The following FSD1L variants were observed in gnomAD, a reference collection of about 807,000 sequenced individuals.
FSD1L encodes fibronectin type III and SPRY domain containing 1 like.
FSD1L carries 45 observed loss-of-function variants against 71.6 expected under a neutral mutation model. The observed-to-expected ratio is 0.63, with a 90% confidence interval of 0.49 to 0.81. The LOEUF is 0.81. FSD1L is among the 30% of genes least tolerant of loss of function. FSD1L has a pLI of 0.00. For synonymous variants in FSD1L, 197 were observed against 207.2 expected (o/e 0.95, Z 0.42); for missense variants, 561 against 618.1 (o/e 0.91, Z 0.98).
chr9:105,451,328 A>G (rs1431951868), intron 1 of FSD1L, among the ~76,000 whole-genome samples: 1 of 152,242 alleles, frequency 6.6e-6, no homozygotes, highest in Non-Finnish European at 1.5e-5. Context: ...TGGTGGTTCC[A>G]GAGAAGAGTT....
In FSD1L at chr9:105,551,580, T is replaced by G. The variant is rs1486326301; in HGVS notation, c.*5097T>G. 2.0e-5 allele frequency: 3 copies of G among 152,210 alleles called. No homozygotes were observed. Among genetic ancestry groups the G allele is most frequent in the Non-Finnish European group, 2.9e-5 (2 of 68,022 alleles). The allele number at this position is 152,210 out of a possible 1,614,324, so 9.4% of individuals were successfully genotyped here. On this transcript the variant is annotated 3_prime_UTR_variant, in exon 14 of 14. Transcript: ENST00000481272. ...TGGATAATTGTAGATGCATTTACTT[T>G]GATAAAGCGTGTGCTTAAAGTGGTA...
At chr9:105,469,130 TTA>T (rs1831270630) in intron 4 of FSD1L, among the ~76,000 whole-genome samples, 1 of 152,260 alleles carries the variant, frequency 6.6e-6, no homozygotes, top group Admixed American at 6.5e-5. Flanking sequence ...AATATTCCAC[TTA>T]TGTATATACC....
intron 13 of FSD1L, among the ~76,000 whole-genome samples, chr9:105,540,693 A>G (rs1199350008): frequency 6.6e-6 from 1 of 152,116 alleles, no homozygotes; most frequent in African/African-American, 2.4e-5. Flanking sequence ...TCTTTGTACA[A>G]AATATTAGAT....
chr9:105,529,834 A>G (rs1177241733), intron 10 of FSD1L, among the ~76,000 whole-genome samples: 2 of 152,002 alleles, frequency 1.3e-5, no homozygotes, highest in East Asian at 1.9e-4. Flanking sequence ...GAGTCCTGAG[A>G]CAGGTTATTT....
At chr9:105,443,473 G>A (rs1392937096), upstream of FSD1L, among the ~76,000 whole-genome samples, 2 of 152,110 alleles carry the variant, frequency 1.3e-5, no homozygotes, top group African/African-American at 4.8e-5. Context: ...TGGGAATTGT[G>A]GGAGCTGCAG....
At chr9:105,509,166 T>G (rs1834251094) in intron 9 of FSD1L, among the ~76,000 whole-genome samples, 1 of 152,228 alleles carries the variant, frequency 6.6e-6, no homozygotes, top group Non-Finnish European at 1.5e-5. Context: ...CAATTCTTTA[T>G]TAGATAATTA....
At chr9:105,462,258 C>T (rs1335303725) in intron 2 of FSD1L, among the ~76,000 whole-genome samples, 1 of 150,776 alleles carries the variant, frequency 6.6e-6, no homozygotes. Context: ...CTCTGTCACC[C>T]AGGCTGGAAT....
At position 105,506,570 on chromosome 9, in the gene FSD1L, T is replaced by C. The variant is rs1255203894; in HGVS notation, c.758T>C (p.Ile253Thr). The C allele has an allele frequency of 1.9e-6, 3 of 1,550,984 alleles. No homozygotes were observed. Among genetic ancestry groups the C allele is most frequent in the Non-Finnish European group, 2.6e-6 (3 of 1,146,472 alleles). Reference sequence around the variant, plus strand: ...GTAAAGGATGAGCGATGCTGGGAGATAATTGATAATATTAAGGGTACTGAA... The same window carrying C: ...GTAAAGGATGAGCGATGCTGGGAGACAATTGATAATATTAAGGGTACTGAA... ...PRVKDERCWEIIDNIKGTEYT... is the reference protein window; with the variant it reads ...PRVKDERCWETIDNIKGTEYT... Residue 253 changes from isoleucine (I) to threonine (T), a missense_variant, in exon 8 of 14, where the codon ATA becomes ACA. By Grantham distance (89) the Ile-to-Thr change is moderately conservative. Transcript: ENST00000481272.
At chr9:105,545,378 A>G (rs1418198354) in intron 13 of FSD1L, among the ~76,000 whole-genome samples, 1 of 146,290 alleles carries the variant, frequency 6.8e-6, no homozygotes, top group Non-Finnish European at 1.5e-5. Context: ...AACAGGGACA[A>G]TTTGACTTCC....
At chr9:105,457,471 A>G (rs558546799) in intron 1 of FSD1L, among the ~76,000 whole-genome samples, 1 of 152,352 alleles carries the variant, frequency 6.6e-6, no homozygotes, top group African/African-American at 2.4e-5. Flanking sequence ...ACTGGGGAGA[A>G]AGATTGTTAC....
intron 7 of FSD1L, among the ~76,000 whole-genome samples, chr9:105,497,492 C>T (rs1206188614): frequency 6.6e-6 from 1 of 152,130 alleles, no homozygotes; most frequent in Non-Finnish European, 1.5e-5. Context: ...ACTTTTGTGC[C>T]TGGTGCTTTC....
intron 4 of FSD1L, among the ~76,000 whole-genome samples, chr9:105,470,578 T>G (rs1019822900): frequency 2.8e-4 from 42 of 152,120 alleles, no homozygotes; most frequent in Admixed American, 2.8e-3. Flanking sequence ...AAATGCAAAT[T>G]TTTGTGTGTT....
intron 5 of FSD1L, chr9:105,472,279 G>A (rs1464213212): frequency 1.2e-5 from 4 of 338,566 alleles, no homozygotes; most frequent in African/African-American, 8.4e-5. Context: ...ATGCACATGA[G>A]CACTGTAATT....
intron 7 of FSD1L, among the ~76,000 whole-genome samples, chr9:105,489,173 A>G (rs1286082341): frequency 6.6e-6 from 1 of 152,168 alleles, no homozygotes; most frequent in Non-Finnish European, 1.5e-5. Flanking sequence ...ACTGGCTGAA[A>G]TGCACCAGGT....
At chr9:105,474,013 T>A (rs992277146) in intron 5 of FSD1L, among the ~76,000 whole-genome samples, 2 of 152,218 alleles carry the variant, frequency 1.3e-5, no homozygotes, top group Non-Finnish European at 2.9e-5. Flanking sequence ...CTTAAACCAT[T>A]TGGAGATGTG....
intron 7 of FSD1L, chr9:105,500,821 A>G (rs1164171845): frequency 2.0e-5 from 3 of 152,228 alleles, no homozygotes; most frequent in Non-Finnish European, 2.9e-5. Flanking sequence ...TTATAATCTC[A>G]AGCATTTGAG....
upstream of FSD1L, among the ~76,000 whole-genome samples, chr9:105,447,034 T>C (rs1436022934): frequency 3.3e-5 from 5 of 152,180 alleles, no homozygotes; most frequent in South Asian, 4.1e-4. Flanking sequence ...ATGACTATAA[T>C]GGGCCTGGCA....
Position 105,475,274 on chromosome 9 carries a change from A to G in FSD1L, c.441+3269A>G, listed in dbSNP as rs564977754. ...GAAGGGAGAAAATAGTTTCCTATCC[A>G]TGGGGTCCCTATAATGGAATAAAAA... is the stretch of plus-strand genomic sequence containing the variant. On this transcript the variant is annotated intron_variant, in intron 5 of 13. Transcript: ENST00000481272. Among the ~76,000 whole-genome samples, 26 of 152,316 alleles carry G rather than the reference A, an allele frequency of 1.7e-4. No homozygotes were observed. In the South Asian group the frequency reaches 4.3e-3, roughly 25 times the overall value.
At chr9:105,544,756 T>C (rs1280572904) in intron 13 of FSD1L, among the ~76,000 whole-genome samples, 1 of 152,226 alleles carries the variant, frequency 6.6e-6, no homozygotes, top group Non-Finnish European at 1.5e-5. Flanking sequence ...GTATTATTTC[T>C]GAGGGCTCTG....
Sources: allele counts gnomAD v4.1 joint callset (sites outside exome capture counted in the v4.1 genomes callset), GRCh38; gene constraint gnomAD v4.1.1; transcripts MANE v1.5; gene names NCBI Gene and HGNC (gene_info 2026-07-23, HGNC 2026-07-21).